GPC1: variants seen among roughly 807,000 people sequenced by gnomAD.
GPC1 encodes glypican-1.
In GPC1, 26 loss-of-function variants were observed where a neutral mutation model predicts 51.5. That is an observed-to-expected ratio of 0.50 (90% CI 0.37 to 0.70). GPC1 has a LOEUF of 0.70. Ranked by LOEUF, GPC1 falls within the 30% of genes least tolerant of loss-of-function variation. The pLI, the probability that GPC1 is intolerant of heterozygous loss-of-function variation, is 0.00. For missense variants in GPC1, 775 were observed against 800.5 expected, an observed-to-expected ratio of 0.97 and a Z score of 0.38; for synonymous variants, 380 against 348.3, an observed-to-expected ratio of 1.09 and a Z score of -1.01.
intron 5 of GPC1, 54 bp downstream of exon 5, chr2:240,464,800 C>T (rs754887663): frequency 3.2e-6 from 5 of 1,571,936 alleles, no homozygotes; most frequent in Non-Finnish European, 4.3e-6. Flanking sequence ...TGGATGTGGC[C>T]CCATTGGGCT....
chr2:240,439,224 G>A (rs1454380894), intron 1 of GPC1, among the ~76,000 whole-genome samples: 8 of 152,080 alleles, frequency 5.3e-5, no homozygotes, highest in East Asian at 3.9e-4. Context: ...GCTGGCTCCC[G>A]GCCCAGGATA....
At chr2:240,444,136 GAC>G (rs973428854) in intron 1 of GPC1, among the ~76,000 whole-genome samples, 2 of 152,286 alleles carry the variant, frequency 1.3e-5, no homozygotes, top group Non-Finnish European at 2.9e-5. Context: ...GCCATGTGAG[GAC>G]ACACACCGCA....
intron 2 of GPC1, among the ~76,000 whole-genome samples, chr2:240,461,255 G>C (rs933074709): frequency 3.9e-5 from 6 of 152,200 alleles, no homozygotes; most frequent in African/African-American, 1.4e-4. Context: ...CCTTGCCAGG[G>C]GTCAGCGTGG....
At position 240,451,017 on chromosome 2, in the gene GPC1, G is replaced by T. The variant is rs139076355; in HGVS notation, c.167-8013G>T. On this transcript the variant is annotated intron_variant, in intron 1 of 8. Transcript: ENST00000264039. ...GGTGGAGTGACTGGGTGGTGGGGGT[G>T]GGCGCAGGGAGAGCCAGGCCTGGGA... The T allele has an allele frequency of 5.0e-3, 2,098 of 421,278 alleles. 13 individuals are homozygous for T. Among genetic ancestry groups the T allele is most frequent in the Non-Finnish European group, 6.5e-3 (1,293 of 198,710 alleles). The allele number at this position is 421,278 out of a possible 1,614,324, so 26.1% of individuals were successfully genotyped here.
intron 1 of GPC1, among the ~76,000 whole-genome samples, chr2:240,436,518 C>T (rs2073985329): frequency 6.6e-6 from 1 of 152,162 alleles, no homozygotes; most frequent in Non-Finnish European, 1.5e-5. Flanking sequence ...CGTGGCCGGG[C>T]TTTCGGGGCG....
chr2:240,436,193 C>A, intron 1 of GPC1, 109 bp downstream of exon 1: 1 of 708,110 alleles, frequency 1.4e-6, no homozygotes, highest in Non-Finnish European at 2.0e-6. Flanking sequence ...CTGCCGCCTG[C>A]GCCCCGCCGC....
chr2:240,443,447 C>T (rs989522581), intron 1 of GPC1, among the ~76,000 whole-genome samples: 13 of 152,178 alleles, frequency 8.5e-5, no homozygotes, highest in Non-Finnish European at 1.6e-4. Flanking sequence ...GTGCTGAGTG[C>T]CCCTTGGGTC....
rs377210439 is a variant in GPC1, at chr2:240,444,576, G to T, written c.166+8492G>T. Among the ~76,000 whole-genome samples, 421 of 152,334 alleles carry T rather than the reference G, an allele frequency of 2.8e-3. 1 individual carries two copies. The highest frequency in any genetic ancestry group is 9.2e-3 in the African/African-American group (383 of 41,578). ...GATCCCTAGCCTCCCCGGCAGGGGT[G>T]CTTCCTGGGTGCGCCATCAGCAGTG... On this transcript the variant is annotated intron_variant, in intron 1 of 8. Transcript: ENST00000264039.
At chr2:240,463,305 C>T (rs2074232752) in intron 3 of GPC1, 42 bp from the exon 4 acceptor site, 1 of 1,590,846 alleles carries the variant, frequency 6.3e-7, no homozygotes, top group South Asian at 1.1e-5. Flanking sequence ...GCCAGGCACC[C>T]CCAGGGCCTC....
chr2:240,464,192 TGAACTAAG>T, intron 4 of GPC1: 1 of 241,514 alleles, frequency 4.1e-6, no homozygotes, highest in South Asian at 6.0e-5. Flanking sequence ...AACACACACA[TGAACTAAG>T]GTGTACATGG....
chr2:240,451,305 T>C (rs1414066115), intron 1 of GPC1: 1 of 468,948 alleles, frequency 2.1e-6, no homozygotes, highest in Non-Finnish European at 4.4e-6. Context: ...GGCTGCTGCG[T>C]CCCCTTCTGC....
At chr2:240,464,347 G>A in intron 4 of GPC1, 1 of 477,506 alleles carries the variant, frequency 2.1e-6, no homozygotes, top group Non-Finnish European at 3.9e-6. Context: ...AGACACGGCA[G>A]GCCAGCAAGC....
In GPC1 at chr2:240,448,998, C is replaced by A. The variant is rs1176654513; in HGVS notation, c.167-10032C>A. ...ACTCAGGCCAGTGGAAGGAGATCTG[C>A]CTTAGGGAGAAGTCTGAGACCTGGG... On this transcript the variant is annotated intron_variant, in intron 1 of 8. Coordinates refer to ENST00000264039, the MANE Select transcript of GPC1 (RefSeq NM_002081.3). This position sits in a 1 kb window ranked among gnomAD's most constrained non-coding sequence, Gnocchi z 4.5. Among the ~76,000 whole-genome samples the A allele has an allele frequency of 1.3e-5, 2 of 152,056 alleles. No individual in the cohort carries two copies. The highest frequency in any genetic ancestry group is 4.8e-5 in the African/African-American group (2 of 41,380).
chr2:240,465,116 T>G lies in GPC1; in HGVS notation c.1174T>G (p.Phe392Val), dbSNP rs1272060633. 1 of 1,611,644 alleles carries G rather than the reference T, an allele frequency of 6.2e-7. No homozygotes were observed. Among genetic ancestry groups the G allele is most frequent in the South Asian group, 1.1e-5 (1 of 90,720 alleles). The stretch of plus-strand genomic sequence containing the variant: ...GGCCCAGCTCCGCGACGTCCAGGAC[T>G]TCTGGATCAGCCTCCCAGGGACACT... ...AKAQLRDVQD[F>V]WISLPGTLCS... The change falls in exon 7 of 9, where the codon TTC becomes GTC. Residue 392 changes from phenylalanine (F) to valine (V), a missense_variant. Coordinates refer to ENST00000264039, the MANE Select transcript of GPC1 (RefSeq NM_002081.3).
At chr2:240,436,209 C>A (rs2073982770) in intron 1 of GPC1, 125 bp downstream of exon 1, 3 of 561,286 alleles carry the variant, frequency 5.3e-6, no homozygotes, top group Non-Finnish European at 7.9e-6. Context: ...GCCGCCCGGG[C>A]CCCGAATGGC....
intron 1 of GPC1, chr2:240,442,379 C>A (rs2074023279): frequency 6.6e-6 from 1 of 152,300 alleles, no homozygotes; most frequent in African/African-American, 2.4e-5. Flanking sequence ...GCTGCAGCTG[C>A]AGACATGGGT....
In GPC1 at chr2:240,448,714, G is replaced by A. The variant is rs1042915270; in HGVS notation, c.167-10316G>A. ...TGGGCTGGGAGCCCTGGGCGTTCTC[G>A]GTGGTGGGCTGTGTGACCAGCAGCG... is the stretch of plus-strand genomic sequence containing the variant. On this transcript the variant is annotated intron_variant, in intron 1 of 8. Coordinates refer to ENST00000264039, the MANE Select transcript of GPC1 (RefSeq NM_002081.3). This position sits in a 1 kb window ranked among gnomAD's most constrained non-coding sequence, Gnocchi z 4.5. 2.0e-5 allele frequency among the ~76,000 whole-genome samples: 3 copies of A among 152,104 alleles called. No individual in the cohort carries two copies. Among genetic ancestry groups the A allele is most frequent in the South Asian group, 2.1e-4 (1 of 4,816 alleles).
chr2:240,441,125 G>A (rs1468647476), intron 1 of GPC1, among the ~76,000 whole-genome samples: 2 of 152,262 alleles, frequency 1.3e-5, no homozygotes, highest in Admixed American at 1.3e-4. Flanking sequence ...TGTGGTTAAC[G>A]CGCCTTCCCA....
intron 1 of GPC1, among the ~76,000 whole-genome samples, chr2:240,454,564 C>G (rs1373361696): frequency 6.6e-6 from 1 of 152,226 alleles, no homozygotes; most frequent in Non-Finnish European, 1.5e-5. Flanking sequence ...CTAGGCTCTT[C>G]CCTTGCGTGT....
Sources: allele counts gnomAD v4.1 joint callset (sites outside exome capture counted in the v4.1 genomes callset), GRCh38; gene constraint gnomAD v4.1.1; non-coding constraint Gnocchi (gnomAD v3.1); transcripts MANE v1.5; gene names NCBI Gene and HGNC (gene_info 2026-07-23, HGNC 2026-07-21).